SMG6: variants seen among roughly 807,000 people sequenced by gnomAD.
SMG6 encodes the protein telomerase-binding protein EST1A.
In SMG6, 66 loss-of-function variants were observed where a neutral mutation model predicts 142.2. The observed-to-expected ratio is 0.46, with a 90% CI of 0.38 to 0.57. The LOEUF is 0.57. Among genes scored for constraint, SMG6 ranks in the 20% least tolerant of loss-of-function variants. The probability of loss-of-function intolerance (pLI) is 0.00; values close to 1 mark genes in which losing one functional copy is unlikely to be tolerated. For synonymous variants in SMG6, 779 were observed against 702.4 expected, an observed-to-expected ratio of 1.11 and a Z score of -1.72; for missense variants, 1,793 against 1,832.0, an observed-to-expected ratio of 0.98 and a Z score of 0.39.
intron 8 of SMG6, among the ~76,000 whole-genome samples, chr17:2,271,583 C>T (rs975334062): frequency 1.1e-4 from 17 of 152,072 alleles, no homozygotes; most frequent in Middle Eastern, 3.4e-3. Context: ...GGCATGATGG[C>T]GGGCGCCTGT....
intron 14 of SMG6, among the ~76,000 whole-genome samples, chr17:2,084,795 G>A (rs955000309): frequency 4.6e-5 from 7 of 152,210 alleles, no homozygotes. Context: ...GTAAAAAGAA[G>A]AGTCAACCTT....
chr17:2,160,291 C>G (rs2071135518), intron 13 of SMG6, among the ~76,000 whole-genome samples: 1 of 152,148 alleles, frequency 6.6e-6, no homozygotes, highest in African/African-American at 2.4e-5. Flanking sequence ...GCAATCTCAG[C>G]TCACTGCAGC....
At chr17:2,272,510 C>T (rs762000994) in intron 8 of SMG6, among the ~76,000 whole-genome samples, 1 of 152,212 alleles carries the variant, frequency 6.6e-6, no homozygotes, top group African/African-American at 2.4e-5. Context: ...CCCCAAATCA[C>T]TACTCATGAT....
At chr17:2,072,293 G>A (rs2068125912) in intron 15 of SMG6, among the ~76,000 whole-genome samples, 1 of 152,160 alleles carries the variant, frequency 6.6e-6, no homozygotes, top group Non-Finnish European at 1.5e-5. Flanking sequence ...AACAGCAGCT[G>A]AGGTTGGGCC....
chr17:2,230,198 AAAAAAAAAAAAAAAAAAAAAAAAG>A (rs1173522771), intron 10 of SMG6, among the ~76,000 whole-genome samples: 3 of 106,626 alleles, frequency 2.8e-5, no homozygotes, highest in African/African-American at 3.8e-5. Flanking sequence ...AAAAAAAAAA[AAAAAAAAAAAAAAAAAAAAAAAAG>A]GAAAAGAAAG....
In SMG6 at chr17:2,300,210, C is replaced by T. The variant is rs753902636; in HGVS notation, c.543G>A (p.Glu181=). ...QVEQLRVEED[E]CRGNVAKEEV... ...CCTCCTTCGCAACATTTCCCCTACA[C>T]TCATCTTCCTCTACTCTCAGTTGTT... Residue 181 remains glutamate, a synonymous_variant, in exon 2 of 19, where the codon GAG becomes GAA. Transcript: ENST00000263073. The T allele has an allele frequency of 6.2e-7, 1 of 1,614,068 alleles. No homozygotes were observed. Among genetic ancestry groups the T allele is most frequent in the East Asian group, 2.2e-5 (1 of 44,904 alleles).
At chr17:2,168,482 C>G (rs1373279455) in intron 13 of SMG6, among the ~76,000 whole-genome samples, 29 of 152,204 alleles carry the variant, frequency 1.9e-4, no homozygotes, top group Admixed American at 1.8e-3. Context: ...CACGCTAGGT[C>G]TGCTTTTGCA....
intron 13 of SMG6, among the ~76,000 whole-genome samples, chr17:2,150,399 T>C (rs781187224): frequency 6.6e-6 from 1 of 152,170 alleles, no homozygotes; most frequent in Non-Finnish European, 1.5e-5. Flanking sequence ...CCAATACCAA[T>C]GTGTTGAACA....
At chr17:2,104,807 C>T (rs559025149) in intron 13 of SMG6, among the ~76,000 whole-genome samples, 1 of 152,056 alleles carries the variant, frequency 6.6e-6, no homozygotes. Context: ...GGGCTTTGAA[C>T]CCAGATTTGT....
rs761333670 is a variant in SMG6, at chr17:2,299,080, G to C, written c.1673C>G (p.Pro558Arg). 2.5e-6 allele frequency: 4 copies of C among 1,614,094 alleles called. No individual in the cohort carries two copies. Among genetic ancestry groups the C allele is most frequent in the East Asian group, 2.2e-5 (1 of 44,896 alleles). ...PTPSGQYVCS[P>R]LPTSTMSPEE... ...GGGACTCATGGTGCTGGTAGGTAGA[G>C]GGCTACACACATACTGTCCTGACGG... Residue 558 changes from proline (P) to arginine (R), a missense_variant, in exon 2 of 19, where the codon CCT becomes CGT. Around this residue, in one of 3 missense-constraint regions of SMG6, gnomAD observed 1,597 missense variants for 1,584.6 expected, o/e 1.01. Transcript: ENST00000263073. The surrounding 1 kb of genome is among the most constrained non-coding windows in gnomAD (Gnocchi z 4.3).
intron 13 of SMG6, among the ~76,000 whole-genome samples, chr17:2,108,583 A>G (rs939747360): frequency 2.0e-5 from 3 of 152,132 alleles, no homozygotes; most frequent in Non-Finnish European, 4.4e-5. Flanking sequence ...GTGAGCCGAG[A>G]TTGTGTCACT....
intron 13 of SMG6, among the ~76,000 whole-genome samples, chr17:2,141,974 G>C (rs1419440651): frequency 6.6e-6 from 1 of 152,142 alleles, no homozygotes; most frequent in Non-Finnish European, 1.5e-5. Flanking sequence ...ATACTTTTCT[G>C]AAGTGTGTAC....
chr17:2,255,649 C>T (rs941847278), intron 8 of SMG6: 3 of 164,170 alleles, frequency 1.8e-5, no homozygotes, highest in Non-Finnish European at 3.9e-5. Flanking sequence ...AAGTGAGGAG[C>T]CCCTCTGCCC....
intron 13 of SMG6, among the ~76,000 whole-genome samples, chr17:2,104,288 GT>G (rs1424618560): frequency 1.3e-5 from 2 of 152,072 alleles, no homozygotes; most frequent in Non-Finnish European, 2.9e-5. Context: ...TACAGACAGG[GT>G]TTCACCATGT....
intron 8 of SMG6, among the ~76,000 whole-genome samples, chr17:2,277,033 A>C (rs2074665192): frequency 6.6e-6 from 1 of 151,864 alleles, no homozygotes; most frequent in Non-Finnish European, 1.5e-5. Context: ...CGCCTGCCTC[A>C]GCCTCCCAAA....
chr17:2,301,844 G>T (rs976591342), intron 1 of SMG6, among the ~76,000 whole-genome samples: 1 of 151,994 alleles, frequency 6.6e-6, no homozygotes, highest in African/African-American at 2.4e-5. Flanking sequence ...TTAAGTATCT[G>T]GTTTTTTAAA....
intron 12 of SMG6, among the ~76,000 whole-genome samples, chr17:2,183,227 G>A (rs1376729042): frequency 6.6e-6 from 1 of 151,378 alleles, no homozygotes; most frequent in Non-Finnish European, 1.5e-5. Flanking sequence ...CCCTGGGAAA[G>A]GAAGGTAGGA....
intron 10 of SMG6, among the ~76,000 whole-genome samples, chr17:2,202,678 C>T (rs2072566215): frequency 6.6e-6 from 1 of 152,170 alleles, no homozygotes; most frequent in Non-Finnish European, 1.5e-5. Flanking sequence ...CATGAGTACC[C>T]AGTAGGTAAC....
intron 10 of SMG6, among the ~76,000 whole-genome samples, chr17:2,236,280 C>G (rs1197136850): frequency 1.3e-5 from 2 of 151,932 alleles, no homozygotes; most frequent in Non-Finnish European, 2.9e-5. Context: ...ACCCATGATT[C>G]CCTCCTTCCA....
Sources: allele counts gnomAD v4.1 joint callset (sites outside exome capture counted in the v4.1 genomes callset), GRCh38; gene constraint gnomAD v4.1.1; regional missense constraint gnomAD v4.1.1; non-coding constraint Gnocchi (gnomAD v3.1); transcripts MANE v1.5; gene names NCBI Gene and HGNC (gene_info 2026-07-23, HGNC 2026-07-21).